The following SCAPER variants were observed in gnomAD, a reference collection of about 807,000 sequenced individuals.
The protein encoded by SCAPER is S phase cyclin A-associated protein in the endoplasmic reticulum.
A neutral mutation model predicts 182.2 loss-of-function variants in SCAPER; 98 were observed. The observed-to-expected ratio is 0.54, with a 90% CI of 0.46 to 0.64. SCAPER has a LOEUF of 0.64. SCAPER is among the 30% of genes least tolerant of loss of function. The pLI is 0.00. For synonymous variants in SCAPER, 605 were observed against 564.6 expected (o/e 1.07, Z -1.01); for missense variants, 1,432 against 1,690.0 (o/e 0.85, Z 2.68).
chr15:76,402,964 G>A (rs2956873), intron 27 of SCAPER, among the ~76,000 whole-genome samples: 18,376 of 152,078 alleles, frequency 0.12, 1,524 homozygotes, highest in African/African-American at 0.24. Context: ...GACAGCTGAA[G>A]CCCACAGACT....
chr15:76,855,462 A>C (rs1283391812), intron 4 of SCAPER, among the ~76,000 whole-genome samples: 2 of 56,646 alleles, frequency 3.5e-5, no homozygotes, highest in Non-Finnish European at 1.1e-4. Context: ...CACAGCAAAA[A>C]AAAAAAAAAA....
At chr15:76,414,538 G>A (rs1392976601) in intron 26 of SCAPER, among the ~76,000 whole-genome samples, 1 of 151,808 alleles carries the variant, frequency 6.6e-6, no homozygotes, top group East Asian at 1.9e-4. Flanking sequence ...AACGATGGAA[G>A]CCAGAAGACC....
At chr15:76,679,148 C>A (rs1198685238) in intron 20 of SCAPER, among the ~76,000 whole-genome samples, 1 of 152,016 alleles carries the variant, frequency 6.6e-6, no homozygotes, top group Non-Finnish European at 1.5e-5. Flanking sequence ...AAAATGAAGA[C>A]AACAATATAG....
intron 21 of SCAPER, among the ~76,000 whole-genome samples, chr15:76,624,870 G>A (rs1260767462): frequency 1.2e-4 from 18 of 152,196 alleles, no homozygotes; most frequent in Admixed American, 1.0e-3. Flanking sequence ...GAGGAAGGTG[G>A]GTTCTGGGGC....
chr15:76,505,157 T>C (rs1304467424), intron 23 of SCAPER, among the ~76,000 whole-genome samples, 183 bp from the exon 24 acceptor site: 3 of 151,942 alleles, frequency 2.0e-5, no homozygotes, highest in Non-Finnish European at 4.4e-5. Context: ...TCAAAAGGAG[T>C]GAGCATAAAA....
intron 20 of SCAPER, among the ~76,000 whole-genome samples, chr15:76,682,437 G>A (rs1013263881): frequency 2.0e-5 from 3 of 152,002 alleles, no homozygotes; most frequent in African/African-American, 4.8e-5. Flanking sequence ...TCAACACCCT[G>A]CCACTGCAAG....
At chr15:76,359,295 T>A (rs2141709119) in intron 29 of SCAPER, among the ~76,000 whole-genome samples, 1 of 152,156 alleles carries the variant, frequency 6.6e-6, no homozygotes, top group East Asian at 1.9e-4. Flanking sequence ...TTGCTGGGAC[T>A]CATCAGCAAG....
intron 23 of SCAPER, among the ~76,000 whole-genome samples, chr15:76,543,011 A>AT (rs970474616): frequency 6.6e-6 from 1 of 152,070 alleles, no homozygotes; most frequent in Non-Finnish European, 1.5e-5. Context: ...AACTCAGTAC[A>AT]TTTTTTTAAT....
At chr15:76,469,218 C>A (rs533790492) in intron 25 of SCAPER, among the ~76,000 whole-genome samples, 1 of 152,234 alleles carries the variant, frequency 6.6e-6, no homozygotes, top group East Asian at 1.9e-4. Context: ...GTCTCTTATT[C>A]CACTACCAAC....
intron 26 of SCAPER, among the ~76,000 whole-genome samples, chr15:76,424,653 T>C (rs913135465): frequency 2.0e-5 from 3 of 152,222 alleles, no homozygotes; most frequent in Admixed American, 6.5e-5. Flanking sequence ...AATTTGATCC[T>C]GCCATTATGA....
intron 26 of SCAPER, among the ~76,000 whole-genome samples, chr15:76,413,632 T>C (rs1193123860): frequency 2.6e-5 from 4 of 152,214 alleles, no homozygotes; most frequent in Non-Finnish European, 4.4e-5. Flanking sequence ...ATGTTGGCTG[T>C]CCAGTATAGT....
At chr15:76,745,223 T>C (rs920269886) in intron 15 of SCAPER, among the ~76,000 whole-genome samples, 3 of 152,122 alleles carry the variant, frequency 2.0e-5, no homozygotes, top group African/African-American at 7.2e-5. Context: ...GTGGATCACC[T>C]GAGGTTAGGA....
Position 76,765,395 on chromosome 15 carries a change from T to TA in SCAPER, c.1554dup (p.Arg519Ter), listed in dbSNP as rs1329330916. 6.2e-7 allele frequency: 1 copy of TA among 1,613,970 alleles called. No homozygotes were observed. Among genetic ancestry groups the TA allele is most frequent in the South Asian group, 1.1e-5 (1 of 91,082 alleles). Reference sequence around the variant, plus strand: ...ATGTGAATTCCATGCCCTGGAGGTCTAGCAGGTTCTTCTTCTACAATGTCC... The same window carrying TA: ...ATGTGAATTCCATGCCCTGGAGGTCTAAGCAGGTTCTTCTTCTACAATGTCC... On this transcript the variant is annotated frameshift_variant, in exon 13 of 32. Coordinates refer to ENST00000563290, the MANE Select transcript of SCAPER (RefSeq NM_020843.4). LOFTEE classifies it high-confidence loss of function.
intron 20 of SCAPER, among the ~76,000 whole-genome samples, chr15:76,670,569 T>A (rs907503722): frequency 1.2e-4 from 18 of 152,204 alleles, no homozygotes; most frequent in African/African-American, 4.3e-4. Context: ...CCACAGATTA[T>A]ACATATTTTT....
chr15:76,593,726 C>T (rs1426310722), intron 22 of SCAPER, among the ~76,000 whole-genome samples: 1 of 121,528 alleles, frequency 8.2e-6, no homozygotes, highest in African/African-American at 2.5e-5. Flanking sequence ...ACCTGAAGTA[C>T]AGGGGCCTGA....
At chr15:76,682,269 C>CCA (rs1567786861) in intron 20 of SCAPER, among the ~76,000 whole-genome samples, 1 of 141,466 alleles carries the variant, frequency 7.1e-6, no homozygotes, top group East Asian at 2.5e-4. Flanking sequence ...TCCCTTCCCC[C>CCA]CCCCACCCCA....
intron 24 of SCAPER, among the ~76,000 whole-genome samples, chr15:76,499,915 C>G (rs1038147841): frequency 3.9e-5 from 6 of 152,130 alleles, no homozygotes; most frequent in Non-Finnish European, 8.8e-5. Context: ...GTGACAAAGA[C>G]TTAGGGATTT....
At chr15:76,899,161 CCTCTCG>C (rs1365677221) in intron 1 of SCAPER, among the ~76,000 whole-genome samples, 1 of 152,056 alleles carries the variant, frequency 6.6e-6, no homozygotes, top group African/African-American at 2.4e-5. Flanking sequence ...TCTCCCTCTC[CCTCTCG>C]CTCTCCGTCT....
intron 1 of SCAPER, among the ~76,000 whole-genome samples, chr15:76,886,431 G>A (rs1225547015): frequency 6.6e-6 from 1 of 152,124 alleles, no homozygotes; most frequent in African/African-American, 2.4e-5. Context: ...AGTGAGCCAA[G>A]GTTGTGCCAC....
Sources: allele counts gnomAD v4.1 joint callset (sites outside exome capture counted in the v4.1 genomes callset), GRCh38; gene constraint gnomAD v4.1.1; transcripts MANE v1.5; gene names NCBI Gene and HGNC (gene_info 2026-07-23, HGNC 2026-07-21).